Variants in FAM161A observed in about 807,000 individuals in gnomAD.
FAM161A encodes protein FAM161A.
In FAM161A, 57 loss-of-function variants were observed where a neutral mutation model predicts 70.9. The ratio of observed to expected loss-of-function variants is 0.80; its 90% confidence interval spans 0.65 to 1.00. The LOEUF is 1.00. FAM161A is among the 50% of genes least tolerant of loss of function. The pLI, the probability that FAM161A is intolerant of heterozygous loss-of-function variation, is 0.00. For synonymous variants in FAM161A, 299 were observed against 295.7 expected (o/e 1.01, Z -0.12); for missense variants, 880 against 836.0 (o/e 1.05, Z -0.65).
chr2:61,829,535 C>G (rs886558269), intron 5 of FAM161A, among the ~76,000 whole-genome samples: 1 of 152,040 alleles, frequency 6.6e-6, no homozygotes, highest in Admixed American at 6.5e-5. Flanking sequence ...TATCAAAAGA[C>G]AAGTCTTGGG....
intron 5 of FAM161A, among the ~76,000 whole-genome samples, chr2:61,835,252 G>A (rs1158185809): frequency 6.6e-6 from 1 of 152,120 alleles, no homozygotes; most frequent in Non-Finnish European, 1.5e-5. Flanking sequence ...CAGTGATTTT[G>A]TCAATTGTTA....
the FAM161A span, among the ~76,000 whole-genome samples, chr2:61,804,871 A>G: frequency 6.6e-5 from 10 of 152,246 alleles, no homozygotes; most frequent in Non-Finnish European, 1.2e-4. Flanking sequence ...GGAGGGAGCG[A>G]GAGAAACTAA....
Position 61,836,168 on chromosome 2 carries a change from A to G in FAM161A, c.1752-59T>C. Reference sequence around the variant, plus strand: ...GATCATCTAAGAAATAAGAACTTACATATGTAACATTTAACTTATCAACTT... The same window carrying G: ...GATCATCTAAGAAATAAGAACTTACGTATGTAACATTTAACTTATCAACTT... On this transcript the variant is annotated intron_variant, in intron 4 of 6. Transcript: ENST00000404929. 4.3e-6 allele frequency: 5 copies of G among 1,150,056 alleles called. No homozygotes were observed. In the Admixed American group the frequency reaches 5.6e-5, roughly 13 times the overall value. 71.2% of individuals were successfully genotyped at this position (1,150,056 alleles called of 1,614,324 possible). A position where few individuals can be genotyped will look rare whatever the true frequency, so the allele number is the denominator to read the frequency against.
the FAM161A span, among the ~76,000 whole-genome samples, chr2:61,801,563 T>C: frequency 7.2e-6 from 1 of 139,300 alleles, no homozygotes; most frequent in Non-Finnish European, 1.6e-5. Context: ...TTTTTGGTTT[T>C]TTTGGTTTTT....
the FAM161A span, among the ~76,000 whole-genome samples, chr2:61,816,580 C>T: frequency 6.6e-6 from 1 of 152,090 alleles, no homozygotes; most frequent in South Asian, 2.1e-4. Context: ...CCGCCTCAGT[C>T]TCCTGAGTAG....
At chr2:61,827,419 G>A (rs1295447795) in intron 5 of FAM161A, among the ~76,000 whole-genome samples, 161 bp from the exon 6 acceptor site, 1 of 151,974 alleles carries the variant, frequency 6.6e-6, no homozygotes, top group Non-Finnish European at 1.5e-5. Flanking sequence ...GACCATCCTG[G>A]CTAACACGGT....
chr2:61,809,405 TTGAG>T, the FAM161A span, among the ~76,000 whole-genome samples: 1 of 152,176 alleles, frequency 6.6e-6, no homozygotes, highest in African/African-American at 2.4e-5. Context: ...GACTCCCAAA[TTGAG>T]TATCTCCAGT....
At chr2:61,801,490 C>G in the FAM161A span, among the ~76,000 whole-genome samples, 2 of 139,574 alleles carry the variant, frequency 1.4e-5, no homozygotes, top group African/African-American at 2.8e-5. Context: ...GGGAGAGGCT[C>G]CGTCTCAAAA....
downstream of FAM161A, among the ~76,000 whole-genome samples, chr2:61,823,134 A>G (rs569001273): frequency 1.3e-5 from 2 of 149,936 alleles, no homozygotes; most frequent in East Asian, 4.2e-4. Context: ...GGAGTTCAAG[A>G]CCAGCCTGGC....
chr2:61,818,063 CCT>C, the FAM161A span, among the ~76,000 whole-genome samples: 3 of 140,308 alleles, frequency 2.1e-5, no homozygotes, highest in African/African-American at 8.1e-5. Flanking sequence ...ACATTCAGAT[CCT>C]TTTTTTTTTT....
At chr2:61,852,670 A>C (rs1285677859) in intron 1 of FAM161A, among the ~76,000 whole-genome samples, 1 of 152,142 alleles carries the variant, frequency 6.6e-6, no homozygotes, top group Non-Finnish European at 1.5e-5. Flanking sequence ...TAGCACTCTG[A>C]TCCTGGTTCA....
chr2:61,809,713 G>C, the FAM161A span, among the ~76,000 whole-genome samples: 3 of 152,160 alleles, frequency 2.0e-5, no homozygotes, highest in African/African-American at 7.2e-5. Flanking sequence ...CCACCAAGAA[G>C]TGGAATTTGT....
chr2:61,843,881 C>T (rs1000171613), intron 1 of FAM161A, among the ~76,000 whole-genome samples: 2 of 152,114 alleles, frequency 1.3e-5, no homozygotes, highest in Non-Finnish European at 2.9e-5. Flanking sequence ...CGGTGGCTCA[C>T]GCCTATAATC....
chr2:61,828,405 T>C (rs1038883792), intron 5 of FAM161A, among the ~76,000 whole-genome samples: 24 of 152,072 alleles, frequency 1.6e-4, no homozygotes, highest in Admixed American at 1.4e-3. Flanking sequence ...CACAACTCAC[T>C]GCAGCCTCAA....
chr2:61,820,772 T>C (rs1285151183), downstream of FAM161A, among the ~76,000 whole-genome samples: 1 of 152,220 alleles, frequency 6.6e-6, no homozygotes, highest in Middle Eastern at 3.2e-3. Flanking sequence ...AGTGGGAATA[T>C]AGAAGAAATA....
At chr2:61,846,341 C>T (rs1381889111) in intron 1 of FAM161A, among the ~76,000 whole-genome samples, 2 of 152,120 alleles carry the variant, frequency 1.3e-5, no homozygotes, top group Non-Finnish European at 2.9e-5. Context: ...GGGTTTCCAT[C>T]TCCTGCCTAC....
chr2:61,826,614 T>G lies in FAM161A; in HGVS notation c.2007-15A>C. Reference sequence around the variant, plus strand: ...CTTCATTAAAGCTAGGGGAAGAAATTTATCAATCTTTCAAAGGAAAAATGA... The same window carrying G: ...CTTCATTAAAGCTAGGGGAAGAAATGTATCAATCTTTCAAAGGAAAAATGA... On this transcript the variant is annotated splice_polypyrimidine_tract_variant and intron_variant, in intron 6 of 6. Transcript: ENST00000404929. 6.3e-7 allele frequency: 1 copy of G among 1,596,668 alleles called. No homozygotes were observed. Among genetic ancestry groups the G allele is most frequent in the Non-Finnish European group, 8.6e-7 (1 of 1,167,664 alleles).
Position 61,839,615 on chromosome 2 carries a change from T to C in FAM161A, c.1389A>G (p.Pro463=), listed in dbSNP as rs1672923300. The C allele has an allele frequency of 6.2e-7, 1 of 1,614,090 alleles. No individual in the cohort carries two copies. Among genetic ancestry groups the C allele is most frequent in the Non-Finnish European group, 8.5e-7 (1 of 1,180,014 alleles). ...TTTTTTCTCTTTTAATAGATGCATG[T>C]GGAGATGCATGAAGATCAAATGGTT... is the stretch of plus-strand genomic sequence containing the variant. ...VCKPFDLHAS[P]HASIKREKIL... Residue 463 remains proline, a synonymous_variant, in exon 3 of 7, where the codon CCA becomes CCG. Transcript: ENST00000404929.
At chr2:61,834,787 G>A (rs891182032) in intron 5 of FAM161A, among the ~76,000 whole-genome samples, 7 of 151,528 alleles carry the variant, frequency 4.6e-5, no homozygotes, top group African/African-American at 1.2e-4. Context: ...ACAAACCTGC[G>A]CATATACTCC....
Sources: gnomAD v4.1 joint callset for allele counts (sites outside exome capture counted in the v4.1 genomes callset) on GRCh38, gnomAD v4.1.1 for gene constraint, MANE v1.5 for transcripts, NCBI Gene and HGNC (gene_info 2026-07-23, HGNC 2026-07-21) for gene names.